PKN2: variants seen among roughly 807,000 people sequenced by gnomAD.
PKN2 encodes the protein protein kinase N2.
In PKN2, 38 loss-of-function variants were observed where a neutral mutation model predicts 119.1. The ratio of observed to expected loss-of-function variants is 0.32; its 90% CI spans 0.25 to 0.42. The LOEUF (loss-of-function observed/expected upper bound fraction) is 0.42. PKN2 is among the 10% of genes least tolerant of loss of function. The pLI is 1.00. For missense variants in PKN2, 850 were observed against 1,165.1 expected, an observed-to-expected ratio of 0.73 and a Z score of 3.94; for synonymous variants, 390 against 384.9, an observed-to-expected ratio of 1.01 and a Z score of -0.15.
At chr1:88,725,511 G>A (rs1409370725) in intron 1 of PKN2, among the ~76,000 whole-genome samples, 1 of 152,038 alleles carries the variant, frequency 6.6e-6, no homozygotes, top group African/African-American at 2.4e-5. Context: ...AATGATGTTG[G>A]CAATCTTTTT....
At chr1:88,797,809 T>C (rs1671151157) in intron 8 of PKN2, among the ~76,000 whole-genome samples, 1 of 151,722 alleles carries the variant, frequency 6.6e-6, no homozygotes, top group Non-Finnish European at 1.5e-5. Flanking sequence ...AAATTAATAC[T>C]CAAGGCCTCC....
rs1000716760 is a variant in PKN2 at position 88,835,291 on chromosome 1, G to A, written c.*1843G>A. Reference sequence around the variant, plus strand: ...GACAATAGAGGAACTTAGCTTAATTGTCTGGCTTTAATTTAAACTGTGTTA... The same window carrying A: ...GACAATAGAGGAACTTAGCTTAATTATCTGGCTTTAATTTAAACTGTGTTA... On this transcript the variant is annotated 3_prime_UTR_variant, in exon 22 of 22. Coordinates refer to ENST00000370521, the MANE Select transcript of PKN2 (RefSeq NM_006256.4). 1.3e-5 allele frequency: 2 copies of A among 152,412 alleles called. No individual in the cohort carries two copies. The highest frequency in any genetic ancestry group is 2.9e-5 in the Non-Finnish European group (2 of 67,914). 9.4% of individuals were successfully genotyped at this position (152,412 alleles called of 1,614,324 possible).
rs563647454 is a variant in PKN2, at chr1:88,765,458, T to G, written c.505-4894T>G. ...GTCCCTCCAACCGCCAATCCTCCAG[T>G]ATTGCCTGTTTAAGCTTTGAGATCT... On this transcript the variant is annotated intron_variant, in intron 3 of 21. Transcript: ENST00000370521. Among the ~76,000 whole-genome samples the G allele has an allele frequency of 3.3e-5, 5 of 152,244 alleles. No individual in the cohort carries two copies. In the East Asian group the frequency reaches 9.7e-4, roughly 29 times the overall value.
chr1:88,778,585 G>A (rs1670201006), intron 6 of PKN2, among the ~76,000 whole-genome samples: 1 of 152,076 alleles, frequency 6.6e-6, no homozygotes, highest in Non-Finnish European at 1.5e-5. Context: ...TTTCCTCCCA[G>A]TTTCTTTGGC....
chr1:88,790,901 A>ATT (rs982096163), intron 8 of PKN2, among the ~76,000 whole-genome samples: 12 of 152,182 alleles, frequency 7.9e-5, no homozygotes, highest in African/African-American at 2.9e-4. Flanking sequence ...TTGATGTCAT[A>ATT]TTTTTAATTT....
chr1:88,797,934 G>A (rs1671157819), intron 8 of PKN2, among the ~76,000 whole-genome samples: 1 of 151,948 alleles, frequency 6.6e-6, no homozygotes, highest in African/African-American at 2.4e-5. Context: ...GGGCAACACA[G>A]CAAGACTTCA....
intron 16 of PKN2, among the ~76,000 whole-genome samples, chr1:88,820,379 C>G (rs1468744796): frequency 6.7e-6 from 1 of 149,888 alleles, no homozygotes; most frequent in East Asian, 2.0e-4. Flanking sequence ...ACTAAAAATA[C>G]AAAATTAGCT....
At chr1:88,761,612 TAAAAAAAAAAAAA>T (rs368283566) in intron 3 of PKN2, among the ~76,000 whole-genome samples, 2 of 102,020 alleles carry the variant, frequency 2.0e-5, no homozygotes, top group Non-Finnish European at 4.1e-5. Context: ...CCTGTCTCTT[TAAAAAAAAAAAAA>T]AAAAAAAAAG....
rs563165548 is a variant in PKN2, at chr1:88,688,171, C to T, written c.48+3543C>T. Among the ~76,000 whole-genome samples, 389 of 152,128 alleles carry T rather than the reference C, an allele frequency of 2.6e-3. 2 individuals carry two copies. Among genetic ancestry groups the T allele is most frequent in the Middle Eastern group, 6.8e-3 (2 of 294 alleles). On this transcript the variant is annotated intron_variant, in intron 1 of 21. Coordinates refer to ENST00000370521, the MANE Select transcript of PKN2 (RefSeq NM_006256.4). Reference sequence around the variant, plus strand: ...TGTGATCTCTGCTCACTGCAATCTCCACCTCCCAGGTTCAAGCGATTCTCC... The same window carrying T: ...TGTGATCTCTGCTCACTGCAATCTCTACCTCCCAGGTTCAAGCGATTCTCC...
At chr1:88,749,858 G>A (rs963224927) in intron 2 of PKN2, among the ~76,000 whole-genome samples, 7 of 152,138 alleles carry the variant, frequency 4.6e-5, no homozygotes, top group Non-Finnish European at 1.0e-4. Flanking sequence ...TATTAGTATA[G>A]TTCCTCTTTA....
At chr1:88,770,223 T>C (rs1245131810) in intron 3 of PKN2, 129 bp from the exon 4 acceptor site, 1 of 576,504 alleles carries the variant, frequency 1.7e-6, no homozygotes, top group Admixed American at 2.9e-5. Flanking sequence ...AGATATACTA[T>C]AGCGCCAACA....
chr1:88,781,903 G>C (rs148964184), intron 6 of PKN2, among the ~76,000 whole-genome samples: 29 of 152,152 alleles, frequency 1.9e-4, no homozygotes, highest in African/African-American at 6.0e-4. Flanking sequence ...TGTTATCACT[G>C]TACAGTAAGA....
intron 16 of PKN2, among the ~76,000 whole-genome samples, chr1:88,817,951 C>T (rs1458182156): frequency 6.6e-6 from 1 of 152,136 alleles, no homozygotes; most frequent in Non-Finnish European, 1.5e-5. Context: ...TTGGAGATGA[C>T]ATGATTATAT....
intron 8 of PKN2, among the ~76,000 whole-genome samples, chr1:88,788,896 T>C (rs1557612184): frequency 6.6e-6 from 1 of 152,188 alleles, no homozygotes; most frequent in Non-Finnish European, 1.5e-5. Flanking sequence ...TTAATGAAGC[T>C]CCCATGAGAG....
chr1:88,723,878 ATAT>A (rs1187686193), intron 1 of PKN2, among the ~76,000 whole-genome samples: 1 of 152,110 alleles, frequency 6.6e-6, no homozygotes, highest in Non-Finnish European at 1.5e-5. Context: ...TTCTTATATA[ATAT>A]TTTGCCTTCT....
At chr1:88,782,274 T>C (rs1445474835) in intron 6 of PKN2, among the ~76,000 whole-genome samples, 1 of 152,084 alleles carries the variant, frequency 6.6e-6, no homozygotes, top group Non-Finnish European at 1.5e-5. Context: ...AATTGGATTA[T>C]GGTGTGCTTT....
intron 8 of PKN2, among the ~76,000 whole-genome samples, chr1:88,792,153 C>G (rs1351149281): frequency 6.6e-6 from 1 of 152,150 alleles, no homozygotes; most frequent in Non-Finnish European, 1.5e-5. Flanking sequence ...GCCTGTAATC[C>G]CAGCACTTTG....
At chr1:88,684,681 C>T (rs935097237) in intron 1 of PKN2, 53 bp downstream of exon 1, 2 of 1,426,926 alleles carry the variant, frequency 1.4e-6, no homozygotes, top group Non-Finnish European at 9.3e-7. Flanking sequence ...AGGGAGAGAG[C>T]CCCGCGCGGC....
chr1:88,823,264 A>T (rs1672367202), intron 17 of PKN2, among the ~76,000 whole-genome samples: 1 of 152,206 alleles, frequency 6.6e-6, no homozygotes, highest in African/African-American at 2.4e-5. Flanking sequence ...AAATATTGTC[A>T]GTTTGCCTAA....
Sources: allele counts gnomAD v4.1 joint callset (sites outside exome capture counted in the v4.1 genomes callset), GRCh38; gene constraint gnomAD v4.1.1; transcripts MANE v1.5; gene names NCBI Gene and HGNC (gene_info 2026-07-23, HGNC 2026-07-21).